EIF4G3: variants seen among roughly 807,000 people sequenced by gnomAD.
EIF4G3 encodes eIF-4-gamma 3.
In EIF4G3, 34 loss-of-function variants were observed where a neutral mutation model predicts 186.4. The observed-to-expected ratio is 0.18, with a 90% CI of 0.14 to 0.24. The LOEUF (loss-of-function observed/expected upper bound fraction) is 0.24, where lower values mean the gene tolerates loss of function less well. Ranked by LOEUF, EIF4G3 falls within the 10% of genes least tolerant of loss-of-function variation. The pLI, the probability that EIF4G3 is intolerant of heterozygous loss-of-function variation, is 1.00. For synonymous variants in EIF4G3, 673 were observed against 679.5 expected (o/e 0.99, Z 0.15); for missense variants, 1,536 against 1,948.5 (o/e 0.79, Z 3.99).
chr1:21,110,842 T>C (rs777641428), intron 2 of EIF4G3, among the ~76,000 whole-genome samples: 81 of 152,298 alleles, frequency 5.3e-4, no homozygotes, highest in Admixed American at 1.5e-3. Flanking sequence ...GCTAGGATTA[T>C]AGGCGTGAGC....
intron 2 of EIF4G3, among the ~76,000 whole-genome samples, chr1:21,125,243 G>C (rs551028283): frequency 6.6e-6 from 1 of 152,182 alleles, no homozygotes; most frequent in African/African-American, 2.4e-5. Flanking sequence ...AAAGATGAGA[G>C]AATTCTAAAT....
intron 12 of EIF4G3, among the ~76,000 whole-genome samples, chr1:20,968,272 T>C (rs767014677): frequency 8.6e-5 from 13 of 151,914 alleles, no homozygotes; most frequent in African/African-American, 1.5e-4. Context: ...CTCCGTCTCC[T>C]GGGTTCAAAC....
At chr1:21,007,539 A>AAC (rs2085589876) in intron 4 of EIF4G3, among the ~76,000 whole-genome samples, 1 of 125,412 alleles carries the variant, frequency 8.0e-6, no homozygotes, top group Non-Finnish European at 1.7e-5. Context: ...AAAAAAAAAC[A>AAC]CACTCAAAAA....
chr1:21,135,541 A>G (rs572299008), intron 2 of EIF4G3, among the ~76,000 whole-genome samples: 1 of 152,296 alleles, frequency 6.6e-6, no homozygotes, highest in South Asian at 2.1e-4. Flanking sequence ...AAATGGGGTA[A>G]AAAATGAATA....
chr1:21,067,174 C>G (rs1169082550), intron 3 of EIF4G3, among the ~76,000 whole-genome samples: 2 of 145,580 alleles, frequency 1.4e-5, no homozygotes, highest in Non-Finnish European at 3.0e-5. Context: ...TTCTTATCAC[C>G]TAGGGTGGAT....
chr1:20,877,770 C>T (rs1446483449), intron 20 of EIF4G3, among the ~76,000 whole-genome samples: 1 of 152,088 alleles, frequency 6.6e-6, no homozygotes, highest in East Asian at 1.9e-4. Flanking sequence ...AAAACAGGGG[C>T]TTAAAGAGAT....
At chr1:20,980,572 A>G in intron 9 of EIF4G3, 124 bp from the exon 10 acceptor site, 1 of 657,766 alleles carries the variant, frequency 1.5e-6, no homozygotes, top group South Asian at 2.5e-5. Context: ...GAATCATTTA[A>G]ATGAGGTAAA....
chr1:20,959,824 C>A (rs1220737371), intron 12 of EIF4G3, among the ~76,000 whole-genome samples: 3 of 152,068 alleles, frequency 2.0e-5, no homozygotes, highest in Non-Finnish European at 4.4e-5. Context: ...ATTGAAACCA[C>A]AAAGCGATAC....
chr1:21,121,513 G>A (rs929746454), intron 2 of EIF4G3, among the ~76,000 whole-genome samples: 8 of 152,128 alleles, frequency 5.3e-5, no homozygotes, highest in African/African-American at 1.9e-4. Context: ...AGTGGCTCAC[G>A]CCTATAATCC....
At chr1:20,857,277 GTTTTAC>G (rs1301955150) in intron 25 of EIF4G3, 120 bp downstream of exon 25, 1 of 763,666 alleles carries the variant, frequency 1.3e-6, no homozygotes. Context: ...CAATATTGCT[GTTTTAC>G]TTTAATAAGT....
At chr1:20,970,783 G>C (rs527726005) in intron 11 of EIF4G3, among the ~76,000 whole-genome samples, 2 of 152,114 alleles carry the variant, frequency 1.3e-5, no homozygotes, top group East Asian at 1.9e-4. Flanking sequence ...GGCCAACATG[G>C]TGAAACCCTG....
chr1:20,910,412 C>T (rs1482778213), intron 14 of EIF4G3, among the ~76,000 whole-genome samples: 1 of 151,958 alleles, frequency 6.6e-6, no homozygotes, highest in Non-Finnish European at 1.5e-5. Flanking sequence ...AGTGAAATCC[C>T]ATCTCTACTA....
intron 30 of EIF4G3, among the ~76,000 whole-genome samples, chr1:20,831,723 G>C (rs561710240): frequency 9.1e-4 from 136 of 149,822 alleles, no homozygotes; most frequent in African/African-American, 3.0e-3. Flanking sequence ...TCGTCATCTA[G>C]CATTAGGTAT....
At chr1:20,807,986 C>T in intron 36 of EIF4G3, among the ~76,000 whole-genome samples, 1 of 150,926 alleles carries the variant, frequency 6.6e-6, no homozygotes, top group South Asian at 2.1e-4. Flanking sequence ...TGGGTTGAAG[C>T]AATTTTCCTG....
chr1:20,869,085 T>C (rs954478847), intron 20 of EIF4G3, among the ~76,000 whole-genome samples: 1 of 152,084 alleles, frequency 6.6e-6, no homozygotes, highest in Admixed American at 6.5e-5. Flanking sequence ...GAAATGAAAA[T>C]GGAATGGTAA....
chr1:20,847,816 C>T, intron 29 of EIF4G3: 1 of 471,760 alleles, frequency 2.1e-6, no homozygotes, highest in South Asian at 1.5e-5. Context: ...CTCCACCTCA[C>T]TCATCATCAA....
intron 2 of EIF4G3, among the ~76,000 whole-genome samples, chr1:21,130,987 C>A (rs902472457): frequency 6.6e-6 from 1 of 152,116 alleles, no homozygotes. Context: ...AATCCCAGCA[C>A]TTTGGGATTT....
intron 2 of EIF4G3, among the ~76,000 whole-genome samples, chr1:21,098,540 GAAAAAAAAA>G (rs59544256): frequency 6.9e-5 from 5 of 72,728 alleles, no homozygotes; most frequent in Admixed American, 6.1e-4. Flanking sequence ...GCCCTGTCTC[GAAAAAAAAA>G]AAAAAAAAAA....
intron 10 of EIF4G3, among the ~76,000 whole-genome samples, chr1:20,978,981 A>G (rs1024763056): frequency 1.3e-5 from 2 of 151,938 alleles, no homozygotes; most frequent in Admixed American, 1.3e-4. Context: ...AGACAATCCC[A>G]ATTTTAGGAA....
Sources: allele counts gnomAD v4.1 joint callset (sites outside exome capture counted in the v4.1 genomes callset), GRCh38; gene constraint gnomAD v4.1.1; transcripts MANE v1.5; gene names NCBI Gene and HGNC (gene_info 2026-07-23, HGNC 2026-07-21).